The following PGBD2 variants were observed in gnomAD, a reference collection of about 807,000 sequenced individuals.
PGBD2 encodes piggyBac transposable element-derived protein 2.
In PGBD2, 6 loss-of-function variants were observed where a neutral mutation model predicts 8.1. The ratio of observed to expected loss-of-function variants is 0.74; its 90% CI spans 0.40 to 1.46. PGBD2 has a LOEUF of 1.46. PGBD2 is among the 40% of genes most tolerant of loss of function. The pLI, the probability that PGBD2 is intolerant of heterozygous loss-of-function variation, is 0.02. For missense variants in PGBD2, 802 were observed against 739.0 expected, an observed-to-expected ratio of 1.09 and a Z score of -0.99; for synonymous variants, 318 against 272.2, an observed-to-expected ratio of 1.17 and a Z score of -1.66.
At chr1:248,906,724 C>T (rs1409069608) in intron 1 of PGBD2, among the ~76,000 whole-genome samples, 8 of 151,170 alleles carry the variant, frequency 5.3e-5, no homozygotes, top group Non-Finnish European at 1.5e-5. Context: ...CTGCGAATGC[C>T]ACGTCACATC....
At chr1:248,925,057 C>A in the PGBD2 span, among the ~76,000 whole-genome samples, 1 of 151,736 alleles carries the variant, frequency 6.6e-6, no homozygotes, top group Admixed American at 6.6e-5. Flanking sequence ...AAATGCAAGA[C>A]TGGATATGTT....
the PGBD2 span, among the ~76,000 whole-genome samples, chr1:248,882,401 G>C: frequency 6.6e-6 from 1 of 152,162 alleles, no homozygotes; most frequent in African/African-American, 2.4e-5. Flanking sequence ...ATTTCTAACA[G>C]AGCCTTAAAA....
At chr1:248,907,805 A>G (rs1052513789) in intron 1 of PGBD2, among the ~76,000 whole-genome samples, 1 of 152,226 alleles carries the variant, frequency 6.6e-6, no homozygotes, top group Non-Finnish European at 1.5e-5. Context: ...AGAGCATCTC[A>G]GGGCAAAGCA....
the PGBD2 span, among the ~76,000 whole-genome samples, chr1:248,884,197 G>T: frequency 6.6e-6 from 1 of 151,972 alleles, no homozygotes; most frequent in African/African-American, 2.4e-5. Flanking sequence ...GTTAAGCTGT[G>T]TTAATGAAAA....
At chr1:248,921,832 C>T (rs1267203180), downstream of PGBD2, among the ~76,000 whole-genome samples, 1 of 152,082 alleles carries the variant, frequency 6.6e-6, no homozygotes, top group Non-Finnish European at 1.5e-5. Flanking sequence ...TTGTAGTTCT[C>T]CTTGAAGAGG....
At chr1:248,906,380 G>A (rs1204352304) in intron 1 of PGBD2, 38 bp downstream of exon 1, 1 of 152,092 alleles carries the variant, frequency 6.6e-6, no homozygotes, top group African/African-American at 2.4e-5. Context: ...GCAGGGCTTC[G>A]CTTGAGTACA....
chr1:248,881,536 A>C, the PGBD2 span, among the ~76,000 whole-genome samples: 1 of 152,358 alleles, frequency 6.6e-6, no homozygotes, highest in Admixed American at 6.5e-5. Context: ...CAAAGAACAC[A>C]TCTGACATGT....
the PGBD2 span, among the ~76,000 whole-genome samples, chr1:248,884,636 T>G: frequency 6.6e-6 from 1 of 152,166 alleles, no homozygotes; most frequent in Non-Finnish European, 1.5e-5. Context: ...GAGCAAGAGT[T>G]ACAGGCAAAG....
the PGBD2 span, among the ~76,000 whole-genome samples, chr1:248,927,820 AATAG>A: frequency 6.6e-6 from 1 of 152,196 alleles, no homozygotes. Flanking sequence ...AATACTAGTA[AATAG>A]ATAGATGATA....
chr1:248,920,167 C>T (rs1397474078), downstream of PGBD2, among the ~76,000 whole-genome samples: 5 of 151,698 alleles, frequency 3.3e-5, no homozygotes, highest in African/African-American at 9.7e-5. Flanking sequence ...CTTAATTATA[C>T]TTTAAGTTCT....
upstream of PGBD2, among the ~76,000 whole-genome samples, chr1:248,902,776 T>C (rs895010307): frequency 3.3e-5 from 5 of 152,108 alleles, no homozygotes; most frequent in African/African-American, 1.2e-4. Context: ...ATGTTCTCAC[T>C]TATAAGTGGG....
chr1:248,894,302 G>A, the PGBD2 span, among the ~76,000 whole-genome samples: 3 of 151,636 alleles, frequency 2.0e-5, no homozygotes, highest in African/African-American at 7.3e-5. Context: ...TTTTTTGCCT[G>A]TCTTTTTGCT....
chr1:248,923,681 T>G (rs773951624), downstream of PGBD2, among the ~76,000 whole-genome samples: 1 of 152,282 alleles, frequency 6.6e-6, no homozygotes, highest in Non-Finnish European at 1.5e-5. Context: ...CTTAGAACTT[T>G]CTTTTCCTCA....
At chr1:248,906,931 C>T (rs1572269875) in intron 1 of PGBD2, among the ~76,000 whole-genome samples, 1 of 152,048 alleles carries the variant, frequency 6.6e-6, no homozygotes, top group South Asian at 2.1e-4. Context: ...GGTGGCCTGC[C>T]CTTCCACACC....
chr1:248,916,656 T>G lies in PGBD2; in HGVS notation c.72T>G (p.Leu24=). Residue 24 remains leucine, a synonymous_variant, in exon 3 of 3, where the codon CTT becomes CTG. Coordinates refer to ENST00000329291, the MANE Select transcript of PGBD2 (RefSeq NM_170725.3). Reference sequence around the variant, plus strand: ...CAAAGGTGAAGTCTGCAAAGCTGCTTGAGGTTCTGAATGCTATGGAGGAGG... The same window carrying G: ...CAAAGGTGAAGTCTGCAAAGCTGCTGGAGGTTCTGAATGCTATGGAGGAGG... ...IHSKVKSAKL[L]EVLNAMEEEE... 6.2e-7 allele frequency: 1 copy of G among 1,614,106 alleles called. No homozygotes were observed. The highest frequency in any genetic ancestry group is 8.5e-7 in the Non-Finnish European group (1 of 1,180,008).
upstream of PGBD2, among the ~76,000 whole-genome samples, chr1:248,904,528 G>A (rs1200107863): frequency 6.6e-6 from 1 of 152,138 alleles, no homozygotes; most frequent in Non-Finnish European, 1.5e-5. Context: ...ATAAAGGTAT[G>A]GAAGAAACAG....
At chr1:248,911,119 C>T (rs1558285955) in intron 1 of PGBD2, among the ~76,000 whole-genome samples, 1 of 147,340 alleles carries the variant, frequency 6.8e-6, no homozygotes, top group South Asian at 2.2e-4. Flanking sequence ...CTTTTCTTTT[C>T]TTTTTTTTTT....
intron 1 of PGBD2, among the ~76,000 whole-genome samples, chr1:248,909,322 T>G (rs917651617): frequency 6.6e-6 from 1 of 152,164 alleles, no homozygotes; most frequent in African/African-American, 2.4e-5. Context: ...CCTGGTTGAG[T>G]CCACTGTATT....
chr1:248,889,125 G>A, the PGBD2 span, among the ~76,000 whole-genome samples: 12 of 152,126 alleles, frequency 7.9e-5, no homozygotes, highest in Non-Finnish European at 1.3e-4. Context: ...TGTGGCTCAC[G>A]CCTGTAATCA....
Sources: gnomAD v4.1 joint callset for allele counts (sites outside exome capture counted in the v4.1 genomes callset) on GRCh38, gnomAD v4.1.1 for gene constraint, MANE v1.5 for transcripts, NCBI Gene and HGNC (gene_info 2026-07-23, HGNC 2026-07-21) for gene names.